The following FGGY variants were observed in gnomAD, a reference collection of about 807,000 sequenced individuals.
FGGY encodes the protein FGGY carbohydrate kinase domain containing.
FGGY carries 72 observed loss-of-function variants against 71.3 expected under a neutral mutation model. The ratio of observed to expected loss-of-function variants is 1.01; its 90% CI spans 0.84 to 1.23. The LOEUF (loss-of-function observed/expected upper bound fraction) is 1.23. FGGY is among the 50% of genes most tolerant of loss of function. FGGY has a pLI of 0.00. For synonymous variants in FGGY, 251 were observed against 250.3 expected (o/e 1.00, Z -0.02); for missense variants, 668 against 682.3 (o/e 0.98, Z 0.23).
At chr1:59,534,698 T>G (rs2095263125) in intron 7 of FGGY, among the ~76,000 whole-genome samples, 1 of 151,504 alleles carries the variant, frequency 6.6e-6, no homozygotes, top group Non-Finnish European at 1.5e-5. Flanking sequence ...AAGAAAAGAA[T>G]TTTCAACCCA....
chr1:59,663,925 A>G (rs773685387), intron 12 of FGGY, among the ~76,000 whole-genome samples: 4 of 152,170 alleles, frequency 2.6e-5, no homozygotes, highest in Non-Finnish European at 4.4e-5. Context: ...TTCTCTCTAT[A>G]TATAGTCATA....
chr1:59,722,053 G>A (rs943481593), intron 14 of FGGY, among the ~76,000 whole-genome samples: 4 of 152,076 alleles, frequency 2.6e-5, no homozygotes, highest in Non-Finnish European at 2.9e-5. Flanking sequence ...AGGACACCAC[G>A]TTACATTTAG....
Position 59,667,331 on chromosome 1 carries a change from A to G in FGGY, c.1345A>G (p.Ile449Val), listed in dbSNP as rs975746760. The G allele has an allele frequency of 1.2e-5, 19 of 1,614,158 alleles. No homozygotes were observed. The highest frequency in any genetic ancestry group is 2.2e-5 in the East Asian group (1 of 44,876). The change falls in exon 13 of 16, where the codon ATC becomes GTC. Residue 449 changes from isoleucine (I) to valine (V), a missense_variant. By Grantham distance (29) the Ile-to-Val change is conservative (BLOSUM62 3). This residue lies in a region of FGGY where 661 missense variants were observed against 661.6 expected (regional missense o/e 1.00). Transcript: ENST00000303721. Reference sequence around the variant, plus strand: ...AGCCATGGAGGCAGCAGGGCACTCAATCAGTACTCTTTTCCTATGTGGAGG... The same window carrying G: ...AGCCATGGAGGCAGCAGGGCACTCAGTCAGTACTCTTTTCCTATGTGGAGG... ...IEAMEAAGHS[I>V]STLFLCGGLS... is the part of the protein sequence containing the mutation.
At chr1:59,620,533 T>C (rs2096797188) in intron 9 of FGGY, among the ~76,000 whole-genome samples, 1 of 152,098 alleles carries the variant, frequency 6.6e-6, no homozygotes, top group Non-Finnish European at 1.5e-5. Context: ...TATGATTTGA[T>C]TTACATCTTT....
intron 4 of FGGY, among the ~76,000 whole-genome samples, chr1:59,373,163 A>G (rs1342155531): frequency 6.6e-6 from 1 of 152,042 alleles, no homozygotes; most frequent in Non-Finnish European, 1.5e-5. Flanking sequence ...AGAAAACCCC[A>G]TTGTCTCAGC....
chr1:59,304,434 C>T (rs1279540642), intron 1 of FGGY, among the ~76,000 whole-genome samples: 1 of 151,942 alleles, frequency 6.6e-6, no homozygotes, highest in Non-Finnish European at 1.5e-5. Flanking sequence ...GTATATGTCT[C>T]TTTTTATTCC....
At chr1:59,533,150 G>A (rs1290925028) in intron 7 of FGGY, among the ~76,000 whole-genome samples, 3 of 152,202 alleles carry the variant, frequency 2.0e-5, no homozygotes, top group Admixed American at 2.0e-4. Context: ...TGGGTGCCGC[G>A]CACCATGCAC....
At chr1:59,612,409 G>A (rs1392413297) in intron 9 of FGGY, among the ~76,000 whole-genome samples, 2 of 152,170 alleles carry the variant, frequency 1.3e-5, no homozygotes, top group African/African-American at 4.8e-5. Context: ...CTTCATAAGT[G>A]AAGGAGAAAT....
chr1:59,326,786 T>C (rs895907097), intron 2 of FGGY, among the ~76,000 whole-genome samples: 3 of 152,108 alleles, frequency 2.0e-5, no homozygotes, highest in African/African-American at 7.2e-5. Flanking sequence ...TCAACATCTA[T>C]CACTCTACTA....
At chr1:59,670,306 G>A (rs1417285412) in intron 13 of FGGY, among the ~76,000 whole-genome samples, 3 of 152,254 alleles carry the variant, frequency 2.0e-5, no homozygotes, top group Non-Finnish European at 4.4e-5. Context: ...CAAGCAGCCA[G>A]TATAGAGGTA....
At chr1:59,317,851 C>G (rs1357068397) in intron 1 of FGGY, among the ~76,000 whole-genome samples, 1 of 152,186 alleles carries the variant, frequency 6.6e-6, no homozygotes, top group Admixed American at 6.5e-5. Context: ...TGGTTTGACT[C>G]TTTGCTGCAT....
intron 14 of FGGY, among the ~76,000 whole-genome samples, chr1:59,740,899 A>G (rs1427602880): frequency 6.6e-6 from 1 of 152,264 alleles, no homozygotes; most frequent in Non-Finnish European, 1.5e-5. Context: ...TATGTAAGAT[A>G]CACACCAGAT....
At chr1:59,525,651 A>G (rs554097966) in intron 7 of FGGY, among the ~76,000 whole-genome samples, 1 of 152,366 alleles carries the variant, frequency 6.6e-6, no homozygotes, top group South Asian at 2.1e-4. Context: ...TACTTGATTT[A>G]CAGGTAGATG....
intron 5 of FGGY, among the ~76,000 whole-genome samples, chr1:59,435,294 A>G (rs1414994836): frequency 6.6e-6 from 1 of 152,200 alleles, no homozygotes; most frequent in Non-Finnish European, 1.5e-5. Context: ...TGCAACGTGT[A>G]TGTCCAATGA....
At chr1:59,596,842 G>A (rs1240280961) in intron 8 of FGGY, among the ~76,000 whole-genome samples, 2 of 152,152 alleles carry the variant, frequency 1.3e-5, no homozygotes, top group African/African-American at 4.8e-5. Context: ...GGCAGCTAGG[G>A]AATGTAGGCT....
rs1374605744 is a variant in FGGY at position 59,698,389 on chromosome 1, T to C, written c.1512+24256T>C. Among the ~76,000 whole-genome samples the C allele has an allele frequency of 2.0e-5, 3 of 151,756 alleles. No homozygotes were observed. The East Asian group carries it at 5.8e-4, about 29-fold the overall frequency. The stretch of plus-strand genomic sequence containing the variant: ...CCCGCAGTTCCCACCCCTTGGTCAG[T>C]ACCTAGCATTATGCCCAGAAAAACT... On this transcript the variant is annotated intron_variant, in intron 14 of 15. Transcript: ENST00000303721.
intron 7 of FGGY, among the ~76,000 whole-genome samples, chr1:59,553,305 G>A (rs991623810): frequency 6.6e-6 from 1 of 152,178 alleles, no homozygotes; most frequent in African/African-American, 2.4e-5. Flanking sequence ...ATCACACCTA[G>A]TATATATCGT....
intron 14 of FGGY, among the ~76,000 whole-genome samples, chr1:59,675,436 T>A (rs1252166703): frequency 6.6e-6 from 1 of 152,206 alleles, no homozygotes; most frequent in Non-Finnish European, 1.5e-5. Context: ...TGTGATGCTG[T>A]TTGTACTGCA....
At chr1:59,573,004 T>A (rs1335979756) in intron 8 of FGGY, among the ~76,000 whole-genome samples, 2 of 152,224 alleles carry the variant, frequency 1.3e-5, no homozygotes, top group Admixed American at 1.3e-4. Context: ...TGGTAGTAAT[T>A]CTGCCAAAAA....
Sources: gnomAD v4.1 joint callset for allele counts (sites outside exome capture counted in the v4.1 genomes callset) on GRCh38, gnomAD v4.1.1 for gene constraint, gnomAD v4.1.1 regional missense constraint, MANE v1.5 for transcripts, NCBI Gene and HGNC (gene_info 2026-07-23, HGNC 2026-07-21) for gene names.